The following DAB2IP variants were observed in gnomAD, a reference collection of about 807,000 sequenced individuals.
DAB2IP encodes disabled homolog 2-interacting protein.
DAB2IP carries 28 observed loss-of-function variants against 107.2 expected under a neutral mutation model. The ratio of observed to expected loss-of-function variants is 0.26; its 90% CI spans 0.19 to 0.36. The LOEUF is 0.36. DAB2IP is among the 10% of genes least tolerant of loss of function. The pLI is 1.00. For missense variants in DAB2IP, 1,400 were observed against 1,644.7 expected, an observed-to-expected ratio of 0.85 and a Z score of 2.57; for synonymous variants, 755 against 706.4, an observed-to-expected ratio of 1.07 and a Z score of -1.09.
rs1588012700 is a variant in DAB2IP, at chr9:121,776,124, C to T, written c.3121-74C>T. ...CAAGTGGGGCTCCCTCCTACCCTTC[C>T]TCCCACTCGGGCTGACGAAGCTGTG... On this transcript the variant is annotated intron_variant, in intron 13 of 15. Coordinates refer to ENST00000408936, the Ensembl canonical transcript of DAB2IP. The surrounding 1 kb of genome is among the most constrained non-coding windows in gnomAD (Gnocchi z 5.4). 2.6e-6 allele frequency: 4 copies of T among 1,514,864 alleles called. No individual in the cohort carries two copies. In the South Asian group the frequency reaches 5.0e-5, roughly 19 times the overall value. The allele number at this position is 1,514,864 out of a possible 1,614,324, so 93.8% of individuals were successfully genotyped here.
chr9:121,749,701 C>T (rs991202145), intron 3 of DAB2IP, among the ~76,000 whole-genome samples: 4 of 152,168 alleles, frequency 2.6e-5, no homozygotes, highest in Admixed American at 1.3e-4. Context: ...CCTTTCATTT[C>T]GCCTCAGGAA....
intron 1 of DAB2IP, among the ~76,000 whole-genome samples, chr9:121,605,827 T>C (rs982677224): frequency 3.3e-5 from 5 of 151,818 alleles, no homozygotes; most frequent in African/African-American, 1.2e-4. Flanking sequence ...TTCTTAAGAG[T>C]GTTTAAAAAG....
At chr9:121,709,136 G>A (rs1019872581) in intron 3 of DAB2IP, among the ~76,000 whole-genome samples, 1 of 152,216 alleles carries the variant, frequency 6.6e-6, no homozygotes, top group Non-Finnish European at 1.5e-5. Context: ...CTGAGCTTGA[G>A]ATTCTCTATT....
intron 1 of DAB2IP, among the ~76,000 whole-genome samples, chr9:121,614,130 A>G (rs1045900860): frequency 6.6e-6 from 1 of 152,174 alleles, no homozygotes. Flanking sequence ...TCATAGGTCT[A>G]TGTTGTAATA....
At chr9:121,653,284 A>AGCCTTTAGTACTCCTTGG (rs1229123705) in intron 1 of DAB2IP, among the ~76,000 whole-genome samples, 2 of 149,576 alleles carry the variant, frequency 1.3e-5, no homozygotes, top group Admixed American at 6.6e-5. Context: ...GGGAGTACTA[A>AGCCTTTAGTACTCCTTGG]AGACCTGGGG....
At chr9:121,617,131 C>G (rs527694627) in intron 1 of DAB2IP, among the ~76,000 whole-genome samples, 1 of 152,162 alleles carries the variant, frequency 6.6e-6, no homozygotes, top group South Asian at 2.1e-4. Flanking sequence ...GTCAGGAGGT[C>G]GAGACCAGCC....
intron 1 of DAB2IP, among the ~76,000 whole-genome samples, chr9:121,579,376 T>C (rs1440614936): frequency 6.6e-6 from 1 of 152,080 alleles, no homozygotes; most frequent in Non-Finnish European, 1.5e-5. Flanking sequence ...TCCTCTCGCC[T>C]GTCTCTTCAT....
chr9:121,711,277 G>A (rs1168692476), intron 3 of DAB2IP, among the ~76,000 whole-genome samples: 1 of 152,242 alleles, frequency 6.6e-6, no homozygotes. Context: ...GGACTGGGGA[G>A]CAGTCTGTCC....
chr9:121,760,078 C>T lies in DAB2IP; in HGVS notation c.809C>T (p.Thr270Met), dbSNP rs775633569. ...TTCCACAACTTGCCGCCTCTGCGCA[C>T]GGTCACTGTCCACCTGTACCGGGAG... The change falls in exon 6 of 16, where the codon ACG (threonine) becomes ATG (methionine). Residue 270 changes from threonine to methionine, a missense_variant. Thr to Met is a moderately conservative substitution (Grantham distance 81, BLOSUM62 -1). Transcript: ENST00000408936. This position sits in a 1 kb window ranked among gnomAD's most constrained non-coding sequence, Gnocchi z 5.9. The T allele has an allele frequency of 1.7e-5, 27 of 1,613,968 alleles. No individual in the cohort carries two copies. The highest frequency in any genetic ancestry group is 8.9e-5 in the East Asian group (4 of 44,874).
chr9:121,695,591 C>G (rs1024302200), intron 2 of DAB2IP, among the ~76,000 whole-genome samples: 1 of 152,150 alleles, frequency 6.6e-6, no homozygotes, highest in East Asian at 1.9e-4. Context: ...GGTCAGCAAG[C>G]GTGGGCTCCT....
At chr9:121,773,211 T>G (rs1481049304) in exon 12 of DAB2IP, 1 of 1,570,780 alleles carries the variant, frequency 6.4e-7, no homozygotes, top group Non-Finnish European at 8.6e-7. Flanking sequence ...GCGACAGATG[T>G]CACTGACTGA....
chr9:121,725,961 A>T (rs913744495), intron 3 of DAB2IP, among the ~76,000 whole-genome samples: 1 of 152,204 alleles, frequency 6.6e-6, no homozygotes, highest in African/African-American at 2.4e-5. Context: ...GAAAGGTGTG[A>T]CACTGGGAAA....
intron 1 of DAB2IP, among the ~76,000 whole-genome samples, chr9:121,668,861 T>TA (rs1342563469): frequency 6.7e-6 from 1 of 150,322 alleles, no homozygotes; most frequent in East Asian, 1.9e-4. Context: ...ATTAATCACA[T>TA]AGACAGCAAG....
intron 2 of DAB2IP, among the ~76,000 whole-genome samples, chr9:121,696,058 G>A (rs1002145392): frequency 1.3e-5 from 2 of 152,048 alleles, no homozygotes; most frequent in Non-Finnish European, 2.9e-5. Context: ...TAGTAGAGAC[G>A]GGGTTTTGCC....
chr9:121,782,191 C>G lies in DAB2IP; in HGVS notation c.3403-140C>G. ...TGCTGCAGAGGCCTCTGCCTACCTT[C>G]TCTTGCCAGCTGCTCACAGCCCGGA... On this transcript the variant is annotated intron_variant, in intron 15 of 15. Coordinates refer to ENST00000408936, the Ensembl canonical transcript of DAB2IP. The surrounding 1 kb of genome is among the most constrained non-coding windows in gnomAD (Gnocchi z 6.1). 1 of 1,389,762 alleles carries G rather than the reference C, an allele frequency of 7.2e-7. No individual in the cohort carries two copies. Among genetic ancestry groups the G allele is most frequent in the Non-Finnish European group, 9.6e-7 (1 of 1,044,012 alleles). The allele number at this position is 1,389,762 out of a possible 1,614,324, so 86.1% of individuals were successfully genotyped here.
intron 3 of DAB2IP, among the ~76,000 whole-genome samples, chr9:121,724,407 C>A (rs1831109652): frequency 1.3e-5 from 2 of 152,144 alleles, no homozygotes. Context: ...CCACTTCATT[C>A]AAGTGTGAAT....
chr9:121,602,077 TCA>T (rs1472197088), intron 1 of DAB2IP, among the ~76,000 whole-genome samples: 2 of 152,086 alleles, frequency 1.3e-5, no homozygotes, highest in Admixed American at 6.5e-5. Flanking sequence ...TTCCTGCAGG[TCA>T]CAGTTCGAGG....
At chr9:121,605,711 G>T (rs1386111872) in intron 1 of DAB2IP, among the ~76,000 whole-genome samples, 1 of 152,122 alleles carries the variant, frequency 6.6e-6, no homozygotes, top group Non-Finnish European at 1.5e-5. Context: ...TCACTATATT[G>T]CGCAGGCTGG....
chr9:121,638,679 C>T (rs1406401616), intron 1 of DAB2IP, among the ~76,000 whole-genome samples: 1 of 152,080 alleles, frequency 6.6e-6, no homozygotes, highest in East Asian at 1.9e-4. Flanking sequence ...TTTCAGATTT[C>T]ACTCTGGCTG....
Sources: allele counts gnomAD v4.1 joint callset (sites outside exome capture counted in the v4.1 genomes callset), GRCh38; gene constraint gnomAD v4.1.1; non-coding constraint Gnocchi (gnomAD v3.1); transcripts MANE v1.5; gene names NCBI Gene and HGNC (gene_info 2026-07-23, HGNC 2026-07-21).